IGSF11: variants seen among roughly 807,000 people sequenced by gnomAD.
The protein encoded by IGSF11 is immunoglobulin superfamily member 11, also known as CXADR like 1.
IGSF11 carries 22 observed loss-of-function variants against 41.0 expected under a neutral mutation model. The observed-to-expected ratio is 0.54, with a 90% CI of 0.38 to 0.77. The LOEUF (loss-of-function observed/expected upper bound fraction) is 0.77, where lower values mean the gene tolerates loss of function less well. IGSF11 is among the 30% of genes least tolerant of loss of function. IGSF11 has a pLI of 0.00. For missense variants in IGSF11, 444 were observed against 530.8 expected (o/e 0.84, Z 1.61); for synonymous variants, 219 against 201.3 (o/e 1.09, Z -0.74).
chr3:119,130,625 CA>C (rs766098175), intron 1 of IGSF11, among the ~76,000 whole-genome samples: 1 of 152,232 alleles, frequency 6.6e-6, no homozygotes, highest in Non-Finnish European at 1.5e-5. Context: ...CCTCTGTGGG[CA>C]GGGCATAACT....
chr3:119,068,474 C>T (rs955504792), intron 1 of IGSF11, among the ~76,000 whole-genome samples: 2 of 152,156 alleles, frequency 1.3e-5, no homozygotes, highest in Non-Finnish European at 2.9e-5. Flanking sequence ...ATAAATTCCT[C>T]TCTATAATTG....
intron 1 of IGSF11, among the ~76,000 whole-genome samples, chr3:118,942,014 G>A (rs1001723154): frequency 6.6e-6 from 1 of 152,138 alleles, no homozygotes. Context: ...TAGGGCATAA[G>A]GGAAGTCCTT....
intron 1 of IGSF11, among the ~76,000 whole-genome samples, chr3:119,028,424 G>C (rs1940035308): frequency 6.6e-6 from 1 of 152,110 alleles, no homozygotes; most frequent in South Asian, 2.1e-4. Context: ...GGCTACAAAA[G>C]ATGTTATTTT....
At chr3:118,933,614 T>C (rs1021721069) in intron 1 of IGSF11, among the ~76,000 whole-genome samples, 1 of 152,000 alleles carries the variant, frequency 6.6e-6, no homozygotes, top group Non-Finnish European at 1.5e-5. Flanking sequence ...GGTCGCACAG[T>C]CGCAAAGCTA....
intron 1 of IGSF11, among the ~76,000 whole-genome samples, chr3:118,962,129 G>C (rs1180018519): frequency 6.6e-6 from 1 of 152,078 alleles, no homozygotes; most frequent in Non-Finnish European, 1.5e-5. Flanking sequence ...GTGCTTAAAG[G>C]TTAGATTCTA....
chr3:119,051,408 T>C (rs1941621783), intron 1 of IGSF11, among the ~76,000 whole-genome samples: 1 of 152,022 alleles, frequency 6.6e-6, no homozygotes, highest in Admixed American at 6.6e-5. Flanking sequence ...ATAAAAAGAT[T>C]AGTCCAACAG....
chr3:119,088,417 G>A (rs1372186036), intron 1 of IGSF11, among the ~76,000 whole-genome samples: 2 of 152,116 alleles, frequency 1.3e-5, no homozygotes, highest in African/African-American at 4.8e-5. Context: ...CTGGGATGCA[G>A]CTAAAGTAAT....
Position 119,034,690 on chromosome 3 carries a change from C to T in IGSF11, c.-108G>A. On this transcript the variant is annotated 5_prime_UTR_variant, in exon 1 of 7. Transcript: ENST00000393775. ...TTGGGGCAGCCTGGTCCTCCCACAC[C>T]CAGCGCCGGGCCGCTGTTCCCCGCG... 7.1e-7 allele frequency: 1 copy of T among 1,402,176 alleles called. No individual in the cohort carries two copies. Among genetic ancestry groups the T allele is most frequent in the South Asian group, 1.6e-5 (1 of 63,650 alleles). 86.9% of individuals were successfully genotyped at this position (1,402,176 alleles called of 1,614,324 possible). A position where few individuals can be genotyped will look rare whatever the true frequency, so the allele number is the denominator to read the frequency against.
In IGSF11 at chr3:118,926,138, T is replaced by C. The variant is rs373302003; in HGVS notation, c.543A>G (p.Leu181=). 1 of 1,612,072 alleles carries C rather than the reference T, an allele frequency of 6.2e-7. No individual in the cohort carries two copies. The highest frequency in any genetic ancestry group is 1.1e-5 in the South Asian group (1 of 90,736). The change falls in exon 4 of 7, where the codon TTA becomes TTG. Residue 181 remains leucine, a synonymous_variant. Coordinates refer to ENST00000393775, the MANE Select transcript of IGSF11 (RefSeq NM_001015887.3). The stretch of plus-strand genomic sequence containing the variant: ...TTGGAGGTAGTTTGAGGGTATTGTC[T>C]AACTTCTCCCAAAGGTAAGTTGGTC... ...IPRPTYLWEK[L]DNTLKLPPTA...
intron 1 of IGSF11, among the ~76,000 whole-genome samples, chr3:118,942,914 A>C (rs1943813861): frequency 1.3e-5 from 2 of 152,176 alleles, no homozygotes; most frequent in African/African-American, 4.8e-5. Flanking sequence ...AGGAGAAAAA[A>C]TACTACTGGG....
chr3:119,100,213 A>T lies in IGSF11; in HGVS notation c.49+4931T>A, dbSNP rs577557866. ...AGACAAACTGAAAAAGAGAAAGCCT[A>T]AAGTCAAGGAGGTCAGTTTGAAGGC... On this transcript the variant is annotated intron_variant, in intron 1 of 6. Transcript: ENST00000354673. 1.1e-4 allele frequency among the ~76,000 whole-genome samples: 16 copies of T among 152,324 alleles called. No individual in the cohort carries two copies. The East Asian group carries it at 2.7e-3, about 26-fold the overall frequency.
chr3:119,086,054 A>G (rs1480694849), intron 1 of IGSF11, among the ~76,000 whole-genome samples: 1 of 152,216 alleles, frequency 6.6e-6, no homozygotes, highest in African/African-American at 2.4e-5. Flanking sequence ...TTACAGTTAC[A>G]AAGTCATTTA....
chr3:119,047,916 G>A (rs1187512710), intron 1 of IGSF11, among the ~76,000 whole-genome samples: 2 of 152,146 alleles, frequency 1.3e-5, no homozygotes, highest in African/African-American at 4.8e-5. Flanking sequence ...ATAACGAAAT[G>A]AAGGCAGAAA....
At chr3:119,129,200 T>C (rs1463083232) in intron 1 of IGSF11, among the ~76,000 whole-genome samples, 1 of 151,914 alleles carries the variant, frequency 6.6e-6, no homozygotes, top group African/African-American at 2.4e-5. Flanking sequence ...GATGAGTCAA[T>C]AGGTGCAGCA....
chr3:119,039,438 T>C (rs1237325128), upstream of IGSF11, among the ~76,000 whole-genome samples: 1 of 152,212 alleles, frequency 6.6e-6, no homozygotes, highest in East Asian at 1.9e-4. Flanking sequence ...TCCTCGTGAT[T>C]ACACTGGGCC....
Position 118,995,135 on chromosome 3 carries a change from G to C in IGSF11, c.52+39396C>G, listed in dbSNP as rs376994653. Among the ~76,000 whole-genome samples, 18 of 152,304 alleles carry C rather than the reference G, an allele frequency of 1.2e-4. No homozygotes were observed. In the East Asian group the frequency reaches 3.5e-3, roughly 29 times the overall value. On this transcript the variant is annotated intron_variant, in intron 1 of 6. Coordinates refer to ENST00000393775, the MANE Select transcript of IGSF11 (RefSeq NM_001015887.3). ...GTGAGGCTTTGAAGGGTTTTAAGCA[G>C]GTGAATGAAATTATCAGATTTATTT... is the stretch of plus-strand genomic sequence containing the variant.
intron 1 of IGSF11, among the ~76,000 whole-genome samples, chr3:119,012,086 T>C (rs4687836): frequency 0.21 from 31,511 of 151,924 alleles, 3,918 homozygotes; most frequent in African/African-American, 0.35. Context: ...TGGTGGCAAG[T>C]TGAGGAATGG....
intron 1 of IGSF11, among the ~76,000 whole-genome samples, chr3:119,024,055 C>A (rs943160263): frequency 2.0e-5 from 3 of 152,152 alleles, no homozygotes; most frequent in Non-Finnish European, 2.9e-5. Context: ...TAGCTCACAA[C>A]ATTATACTTT....
chr3:119,118,013 CA>C (rs2077282560), intron 1 of IGSF11, among the ~76,000 whole-genome samples: 1 of 152,186 alleles, frequency 6.6e-6, no homozygotes, highest in African/African-American at 2.4e-5. Context: ...TGTGGCTTTC[CA>C]GGGTATAGCT....
Sources: gnomAD v4.1 joint callset for allele counts (sites outside exome capture counted in the v4.1 genomes callset) on GRCh38, gnomAD v4.1.1 for gene constraint, MANE v1.5 for transcripts, NCBI Gene and HGNC (gene_info 2026-07-23, HGNC 2026-07-21) for gene names.